Variants in ADAMTS6 observed in about 807,000 individuals in gnomAD.
ADAMTS6 encodes A disintegrin and metalloproteinase with thrombospondin motifs 6.
ADAMTS6 carries 23 observed loss-of-function variants against 144.3 expected under a neutral mutation model. That is an observed-to-expected ratio of 0.16 (90% CI 0.11 to 0.23). The LOEUF (loss-of-function observed/expected upper bound fraction) is 0.23, where lower values mean the gene tolerates loss of function less well. ADAMTS6 is among the 10% of genes least tolerant of loss of function. The pLI is 1.00. For synonymous variants in ADAMTS6, 444 were observed against 457.5 expected (o/e 0.97, Z 0.38); for missense variants, 999 against 1,379.6 (o/e 0.72, Z 4.37).
chr5:65,200,737 A>T (rs1343325119), intron 20 of ADAMTS6, among the ~76,000 whole-genome samples: 1 of 152,126 alleles, frequency 6.6e-6, no homozygotes, highest in East Asian at 1.9e-4. Context: ...TTTTAATGCA[A>T]TCCTTCCTCC....
At chr5:65,330,769 G>A (rs570981445) in intron 8 of ADAMTS6, among the ~76,000 whole-genome samples, 27 of 152,172 alleles carry the variant, frequency 1.8e-4, no homozygotes, top group African/African-American at 5.5e-4. Flanking sequence ...ACAGGCAAGA[G>A]TTGGGGAGGG....
intron 7 of ADAMTS6, among the ~76,000 whole-genome samples, chr5:65,343,873 A>G (rs1193604041): frequency 6.6e-6 from 1 of 152,024 alleles, no homozygotes; most frequent in Non-Finnish European, 1.5e-5. Context: ...CAAACAATCC[A>G]TTTAAGGAAT....
intron 24 of ADAMTS6, among the ~76,000 whole-genome samples, chr5:65,160,479 T>C (rs1752695086): frequency 6.6e-6 from 1 of 151,754 alleles, no homozygotes; most frequent in Non-Finnish European, 1.5e-5. Flanking sequence ...GCTAATTTTT[T>C]GTTTTTAGTA....
intron 7 of ADAMTS6, among the ~76,000 whole-genome samples, chr5:65,397,251 T>G (rs970488334): frequency 5.3e-5 from 8 of 152,134 alleles, no homozygotes; most frequent in African/African-American, 1.9e-4. Context: ...GCTTATCAAT[T>G]TTATCTTACC....
At chr5:65,339,631 T>C (rs1179154550) in intron 7 of ADAMTS6, among the ~76,000 whole-genome samples, 1 of 151,516 alleles carries the variant, frequency 6.6e-6, no homozygotes, top group East Asian at 1.9e-4. Context: ...ACGATTTGAA[T>C]GAGAAATTCA....
chr5:65,248,285 TTC>T (rs1434099020), intron 14 of ADAMTS6, among the ~76,000 whole-genome samples: 4 of 152,154 alleles, frequency 2.6e-5, no homozygotes, highest in Non-Finnish European at 4.4e-5. Context: ...CCCAAATAGT[TTC>T]TGATTTTTTT....
intron 20 of ADAMTS6, among the ~76,000 whole-genome samples, chr5:65,203,789 A>G (rs1006023268): frequency 6.6e-6 from 1 of 151,904 alleles, no homozygotes; most frequent in African/African-American, 2.4e-5. Flanking sequence ...TTTTTTCCAA[A>G]AGTATTTTAT....
At chr5:65,328,650 A>G (rs1346149234) in intron 9 of ADAMTS6, among the ~76,000 whole-genome samples, 5 of 151,898 alleles carry the variant, frequency 3.3e-5, no homozygotes, top group African/African-American at 1.2e-4. Flanking sequence ...CTTTCAGTCA[A>G]ATTTCAACAC....
chr5:65,403,139 T>C (rs1429758882), intron 7 of ADAMTS6, among the ~76,000 whole-genome samples: 2 of 152,144 alleles, frequency 1.3e-5, no homozygotes, highest in Non-Finnish European at 2.9e-5. Context: ...CTTTCCTCCT[T>C]GAAACAATTT....
chr5:65,353,353 A>T (rs1749036122), intron 7 of ADAMTS6, among the ~76,000 whole-genome samples: 1 of 152,022 alleles, frequency 6.6e-6, no homozygotes, highest in Admixed American at 6.6e-5. Context: ...CTTACCCAAC[A>T]GCATAGGGCT....
intron 21 of ADAMTS6, among the ~76,000 whole-genome samples, chr5:65,193,521 T>C (rs936706038): frequency 1.3e-5 from 2 of 152,008 alleles, no homozygotes; most frequent in African/African-American, 4.8e-5. Context: ...AAGACAGCAA[T>C]TAGATATCAG....
At chr5:65,359,132 C>A (rs975942505) in intron 7 of ADAMTS6, among the ~76,000 whole-genome samples, 1 of 151,944 alleles carries the variant, frequency 6.6e-6, no homozygotes, top group Non-Finnish European at 1.5e-5. Context: ...TATATTTCAT[C>A]GGGGTTAATG....
intron 15 of ADAMTS6, among the ~76,000 whole-genome samples, chr5:65,235,218 T>C (rs996583615): frequency 6.6e-5 from 10 of 152,174 alleles, no homozygotes; most frequent in African/African-American, 2.4e-4. Context: ...ATTCACATCA[T>C]ACACACAAAA....
chr5:65,347,273 G>A (rs1253944450), intron 7 of ADAMTS6, among the ~76,000 whole-genome samples: 1 of 151,668 alleles, frequency 6.6e-6, no homozygotes, highest in Non-Finnish European at 1.5e-5. Flanking sequence ...AAAGCTGGAG[G>A]AATTGAACTA....
chr5:65,220,742 G>A lies in ADAMTS6; in HGVS notation c.2272+3578C>T, dbSNP rs951028893. 1.1e-4 allele frequency among the ~76,000 whole-genome samples: 16 copies of A among 150,828 alleles called. No homozygotes were observed. The East Asian group carries it at 1.2e-3, about 11-fold the overall frequency. ...AGCCTGGGCAACAGAGCGAGACTCC[G>A]TCTCAAAAAAAAAAGAAGAGTGGGA... On this transcript the variant is annotated intron_variant, in intron 18 of 24. Coordinates refer to ENST00000381055, the MANE Select transcript of ADAMTS6 (RefSeq NM_197941.4).
intron 7 of ADAMTS6, among the ~76,000 whole-genome samples, chr5:65,375,275 T>C (rs1442767997): frequency 6.6e-6 from 1 of 152,014 alleles, no homozygotes; most frequent in African/African-American, 2.4e-5. Context: ...CTAATTAAAC[T>C]AAAGAGCTTC....
intron 21 of ADAMTS6, among the ~76,000 whole-genome samples, chr5:65,193,427 A>G (rs1755135061): frequency 6.6e-6 from 1 of 152,046 alleles, no homozygotes; most frequent in Non-Finnish European, 1.5e-5. Flanking sequence ...ATGATGATAA[A>G]AGGCAAAAGA....
intron 9 of ADAMTS6, among the ~76,000 whole-genome samples, chr5:65,306,573 A>G (rs1322618814): frequency 6.6e-6 from 1 of 152,206 alleles, no homozygotes; most frequent in Non-Finnish European, 1.5e-5. Context: ...GATGTGCAAA[A>G]TAGATTTTTG....
chr5:65,384,141 GC>G (rs1466190428), intron 7 of ADAMTS6, among the ~76,000 whole-genome samples: 2 of 152,140 alleles, frequency 1.3e-5, no homozygotes, highest in Admixed American at 6.5e-5. Context: ...ATAGCATCTG[GC>G]TTCATTCTAT....
Sources: gnomAD v4.1 joint callset for allele counts (sites outside exome capture counted in the v4.1 genomes callset) on GRCh38, gnomAD v4.1.1 for gene constraint, MANE v1.5 for transcripts, NCBI Gene and HGNC (gene_info 2026-07-23, HGNC 2026-07-21) for gene names.